The following GPR39 variants were observed in gnomAD, a reference collection of about 807,000 sequenced individuals.
The protein encoded by GPR39 is G protein-coupled receptor 39.
Under a neutral mutation model 18.4 loss-of-function variants are expected in GPR39, and 23 were observed. That is an observed-to-expected ratio of 1.25 (90% CI 0.90 to 1.77). The LOEUF is 1.77. Ranked by LOEUF, GPR39 falls within the 40% of genes most tolerant of loss-of-function variation. The pLI, the probability that GPR39 is intolerant of heterozygous loss-of-function variation, is 0.00. For missense variants in GPR39, 647 were observed against 602.4 expected, an observed-to-expected ratio of 1.07 and a Z score of -0.78; for synonymous variants, 280 against 257.9, an observed-to-expected ratio of 1.09 and a Z score of -0.82.
chr2:132,522,467 T>C (rs571389933), intron 1 of GPR39, among the ~76,000 whole-genome samples: 1 of 152,352 alleles, frequency 6.6e-6, no homozygotes, highest in South Asian at 2.1e-4. Context: ...ATGTATTCTC[T>C]GTGATAGGCA....
intron 1 of GPR39, among the ~76,000 whole-genome samples, chr2:132,610,555 T>A (rs141369886): frequency 6.6e-6 from 1 of 152,008 alleles, no homozygotes; most frequent in East Asian, 1.9e-4. Flanking sequence ...GGTGGGTGGA[T>A]CACTTGAGGT....
intron 1 of GPR39, among the ~76,000 whole-genome samples, chr2:132,518,027 G>T (rs1299251222): frequency 6.6e-6 from 1 of 152,146 alleles, no homozygotes; most frequent in African/African-American, 2.4e-5. Context: ...ATAACAAGTG[G>T]CTTATATTCT....
chr2:132,590,668 A>T (rs1254628097), intron 1 of GPR39, among the ~76,000 whole-genome samples: 1 of 152,198 alleles, frequency 6.6e-6, no homozygotes, highest in Admixed American at 6.5e-5. Flanking sequence ...CTCAAGCCTA[A>T]GCACTGTTCC....
At chr2:132,469,566 A>G (rs1441895331) in intron 1 of GPR39, among the ~76,000 whole-genome samples, 1 of 152,114 alleles carries the variant, frequency 6.6e-6, no homozygotes, top group Admixed American at 6.5e-5. Context: ...TGAGACAGTG[A>G]GCGTGTGTGT....
intron 1 of GPR39, among the ~76,000 whole-genome samples, chr2:132,586,801 A>G (rs1329088442): frequency 2.6e-5 from 4 of 152,212 alleles, no homozygotes; most frequent in African/African-American, 9.6e-5. Flanking sequence ...TGCCCACCAT[A>G]TGGGATTCTC....
intron 1 of GPR39, among the ~76,000 whole-genome samples, chr2:132,449,685 T>C (rs1680600060): frequency 6.6e-6 from 1 of 152,090 alleles, no homozygotes. Flanking sequence ...TGTTCCTCAG[T>C]TGAACTGAGA....
intron 1 of GPR39, among the ~76,000 whole-genome samples, chr2:132,619,377 C>T (rs535812434): frequency 5.9e-5 from 9 of 152,108 alleles, no homozygotes; most frequent in African/African-American, 1.2e-4. Flanking sequence ...GCCCACCGAG[C>T]GTGTCTTTGG....
At chr2:132,536,418 C>T (rs977431130) in intron 1 of GPR39, among the ~76,000 whole-genome samples, 14 of 152,160 alleles carry the variant, frequency 9.2e-5, no homozygotes, top group Admixed American at 8.5e-4. Context: ...TGTAGTTGCA[C>T]TGTGGTCTGA....
chr2:132,631,947 G>A (rs1681657686), intron 1 of GPR39, among the ~76,000 whole-genome samples: 1 of 151,724 alleles, frequency 6.6e-6, no homozygotes, highest in African/African-American at 2.4e-5. Flanking sequence ...CTCAGCCTCT[G>A]GGGTAGCCAG....
At chr2:132,486,998 C>T (rs1681353412) in intron 1 of GPR39, among the ~76,000 whole-genome samples, 3 of 152,122 alleles carry the variant, frequency 2.0e-5, no homozygotes, top group Admixed American at 6.5e-5. Flanking sequence ...CTTTTCCTTT[C>T]ATTTGATCAA....
chr2:132,518,195 T>A (rs1431263104), intron 1 of GPR39, among the ~76,000 whole-genome samples: 1 of 152,134 alleles, frequency 6.6e-6, no homozygotes, highest in African/African-American at 2.4e-5. Context: ...TAATCATAAT[T>A]TTATTATAAT....
chr2:132,645,449 C>T lies in GPR39; in HGVS notation c.1205C>T (p.Ala402Val). Residue 402 changes from alanine (A) to valine (V), a missense_variant, in exon 2 of 2, where the codon GCA becomes GTA. By Grantham distance (64) the Ala-to-Val change is moderately conservative (BLOSUM62 0). This residue lies in a region of GPR39 where 581 missense variants were observed against 506.8 expected (regional missense o/e 1.15). Transcript: ENST00000329321. ...TTCGCGTCCCGGCGCCAGTCCTCTG[C>T]AAGGAGAACTGAGAAGATTTTCTTA... ...LLFASRRQSS[A>V]RRTEKIFLST... 6.2e-7 allele frequency: 1 copy of T among 1,613,842 alleles called. No homozygotes were observed. The highest frequency in any genetic ancestry group is 8.5e-7 in the Non-Finnish European group (1 of 1,180,030).
chr2:132,578,798 T>C (rs376095885), intron 1 of GPR39, among the ~76,000 whole-genome samples: 1 of 151,552 alleles, frequency 6.6e-6, no homozygotes, highest in Admixed American at 6.6e-5. Context: ...GTTTATAGTC[T>C]CTTTTAATAT....
At chr2:132,569,024 G>A (rs368870255) in intron 1 of GPR39, among the ~76,000 whole-genome samples, 12 of 152,176 alleles carry the variant, frequency 7.9e-5, no homozygotes, top group Non-Finnish European at 1.3e-4. Context: ...TAGACTAAGC[G>A]CCTTGGTTTT....
intron 1 of GPR39, among the ~76,000 whole-genome samples, chr2:132,614,352 G>A (rs183767666): frequency 6.6e-6 from 1 of 151,764 alleles, no homozygotes; most frequent in Non-Finnish European, 1.5e-5. Context: ...GACTACAGGT[G>A]CATGCCACCA....
chr2:132,466,819 C>T (rs975447180), intron 1 of GPR39, among the ~76,000 whole-genome samples: 3 of 152,074 alleles, frequency 2.0e-5, no homozygotes, highest in Non-Finnish European at 2.9e-5. Context: ...CATCTGTGCC[C>T]AGAGAGCACT....
intron 1 of GPR39, among the ~76,000 whole-genome samples, chr2:132,499,423 A>G (rs1681711086): frequency 1.3e-5 from 2 of 152,204 alleles, no homozygotes; most frequent in Admixed American, 1.3e-4. Flanking sequence ...GCCTATTTTT[A>G]TACCAGTTCC....
Position 132,589,733 on chromosome 2 carries a change from A to T in GPR39, c.857-55368A>T, listed in dbSNP as rs921577863. ...CTTAAGGGATCAGTATTTCCCAAACAAAAGGTGTCCCATTGCTCTAACTGC... is the reference window on the plus strand; with the variant it reads ...CTTAAGGGATCAGTATTTCCCAAACTAAAGGTGTCCCATTGCTCTAACTGC... On this transcript the variant is annotated intron_variant, in intron 1 of 1. Coordinates refer to ENST00000329321, the MANE Select transcript of GPR39 (RefSeq NM_001508.3). 2.6e-5 allele frequency among the ~76,000 whole-genome samples: 4 copies of T among 152,356 alleles called. No homozygotes were observed. The South Asian group carries it at 8.3e-4, about 32-fold the overall frequency.
intron 1 of GPR39, among the ~76,000 whole-genome samples, chr2:132,552,917 T>TACAC (rs58291826): frequency 7.6e-6 from 1 of 131,320 alleles, no homozygotes; most frequent in Non-Finnish European, 1.7e-5. Flanking sequence ...CACATATATA[T>TACAC]ACACACACAC....
Sources: gnomAD v4.1 joint callset for allele counts (sites outside exome capture counted in the v4.1 genomes callset) on GRCh38, gnomAD v4.1.1 for gene constraint, gnomAD v4.1.1 regional missense constraint, MANE v1.5 for transcripts, NCBI Gene and HGNC (gene_info 2026-07-23, HGNC 2026-07-21) for gene names.